Variants in GLIS3 observed in about 807,000 individuals in gnomAD.
GLIS3 encodes the protein zinc finger protein GLIS3.
GLIS3 carries 53 observed loss-of-function variants against 78.6 expected under a neutral mutation model. That is an observed-to-expected ratio of 0.67 (90% CI 0.54 to 0.85). The LOEUF (loss-of-function observed/expected upper bound fraction) is 0.85. GLIS3 is among the 40% of genes least tolerant of loss of function. The probability of loss-of-function intolerance (pLI) is 0.00; values close to 1 mark genes in which losing one functional copy is unlikely to be tolerated. For missense variants in GLIS3, 1,703 were observed against 1,231.1 expected (o/e 1.38, Z -5.74); for synonymous variants, 684 against 509.9 (o/e 1.34, Z -4.60).
chr9:4,447,937 A>C, the GLIS3 span, among the ~76,000 whole-genome samples: 1 of 152,158 alleles, frequency 6.6e-6, no homozygotes, highest in Non-Finnish European at 1.5e-5. Context: ...TTTTTTCTAA[A>C]AATGAGCTCT....
chr9:4,306,748 A>T (rs1463210782), intron 4 of GLIS3, among the ~76,000 whole-genome samples: 1 of 152,158 alleles, frequency 6.6e-6, no homozygotes, highest in East Asian at 1.9e-4. Flanking sequence ...GGAAAGTTTC[A>T]GTCATCCTTG....
chr9:4,425,196 C>T, the GLIS3 span, among the ~76,000 whole-genome samples: 1 of 152,184 alleles, frequency 6.6e-6, no homozygotes, highest in African/African-American at 2.4e-5. Flanking sequence ...ATCTGATTTA[C>T]ATGAGAGCGA....
At chr9:4,270,888 GGTGTGTGTGTGTGTGTGT>G (rs148679668) in intron 2 of GLIS3, among the ~76,000 whole-genome samples, 18,639 of 146,944 alleles carry the variant, frequency 0.13, 2,046 homozygotes, top group African/African-American at 0.3. Flanking sequence ...CAATCTGTGT[GGTGTGTGTGTGTGTGTGT>G]GTGTGTGTGT....
At chr9:4,329,399 T>G (rs919367208) in intron 2 of GLIS3, among the ~76,000 whole-genome samples, 3 of 152,098 alleles carry the variant, frequency 2.0e-5, no homozygotes, top group Non-Finnish European at 4.4e-5. Flanking sequence ...TATTGACAAC[T>G]GAAAAAAAAG....
the GLIS3 span, among the ~76,000 whole-genome samples, chr9:4,457,736 GCT>G: frequency 6.6e-6 from 1 of 151,784 alleles, no homozygotes; most frequent in Admixed American, 6.6e-5. Flanking sequence ...TGTAGTCCCA[GCT>G]ATTCGGGAGG....
At chr9:4,468,756 A>T in the GLIS3 span, among the ~76,000 whole-genome samples, 1 of 152,224 alleles carries the variant, frequency 6.6e-6, no homozygotes. Flanking sequence ...AGCTAACATC[A>T]TAATGACAGG....
At chr9:4,037,573 C>CACACACAG (rs1824437998) in intron 4 of GLIS3, among the ~76,000 whole-genome samples, 1 of 151,580 alleles carries the variant, frequency 6.6e-6, no homozygotes, top group African/African-American at 2.4e-5. Context: ...CACACACACA[C>CACACACAG]ACACACACAC....
intron 2 of GLIS3, among the ~76,000 whole-genome samples, chr9:4,312,384 C>G (rs1197069147): frequency 6.6e-6 from 1 of 152,170 alleles, no homozygotes; most frequent in Admixed American, 6.5e-5. Flanking sequence ...AGGAGAATCA[C>G]TTGAACCAGG....
intron 2 of GLIS3, among the ~76,000 whole-genome samples, chr9:4,340,484 G>T (rs542164606): frequency 7.2e-5 from 11 of 152,142 alleles, no homozygotes; most frequent in African/African-American, 2.7e-4. Context: ...TCATCTTTCA[G>T]GATGCATCCT....
chr9:4,401,369 C>G, the GLIS3 span, among the ~76,000 whole-genome samples: 1 of 151,810 alleles, frequency 6.6e-6, no homozygotes, highest in African/African-American at 2.4e-5. Flanking sequence ...AAGCGATTCT[C>G]CTGCCTCAGC....
the GLIS3 span, among the ~76,000 whole-genome samples, chr9:4,396,106 G>A: frequency 6.6e-6 from 1 of 150,978 alleles, no homozygotes; most frequent in African/African-American, 2.4e-5. Context: ...CATCAAGGGA[G>A]GCCATTTTTA....
intron 4 of GLIS3, among the ~76,000 whole-genome samples, chr9:3,965,127 C>T (rs1023420034): frequency 6.6e-6 from 1 of 151,204 alleles, no homozygotes; most frequent in African/African-American, 2.4e-5. Flanking sequence ...TAAATGCACA[C>T]AGGAGGCTGT....
intron 2 of GLIS3, among the ~76,000 whole-genome samples, chr9:4,192,546 C>T (rs971411099): frequency 2.0e-5 from 3 of 152,212 alleles, no homozygotes; most frequent in African/African-American, 7.2e-5. Context: ...AACTCACCAA[C>T]AGCTTGGTCA....
chr9:4,096,302 C>T (rs781261898), intron 4 of GLIS3, among the ~76,000 whole-genome samples: 16 of 152,082 alleles, frequency 1.1e-4, no homozygotes, highest in African/African-American at 3.6e-4. Flanking sequence ...TTTTTCCTAC[C>T]AGTTGTGTTA....
chr9:3,828,247 T>G lies in GLIS3; in HGVS notation c.*25A>C. ...TGGCAAGCAACATCAAGGTCCTGGG[T>G]GTGCAGGAGTGGCCAAGAGAGCTTT... On this transcript the variant is annotated 3_prime_UTR_variant, in exon 11 of 11. Coordinates refer to ENST00000381971, the MANE Select transcript of GLIS3 (RefSeq NM_001042413.2). 2 of 1,613,770 alleles carry G rather than the reference T, an allele frequency of 1.2e-6. No homozygotes were observed. The highest frequency in any genetic ancestry group is 1.7e-6 in the Non-Finnish European group (2 of 1,179,888).
intron 4 of GLIS3, among the ~76,000 whole-genome samples, chr9:4,098,678 G>A (rs534477907): frequency 7.9e-5 from 12 of 152,254 alleles, no homozygotes; most frequent in South Asian, 4.2e-4. Flanking sequence ...ATCCTTTGCC[G>A]TAATATCATA....
the GLIS3 span, among the ~76,000 whole-genome samples, chr9:4,454,551 T>C: frequency 6.6e-6 from 1 of 152,356 alleles, no homozygotes; most frequent in Non-Finnish European, 1.5e-5. Context: ...TATGATAGTA[T>C]GCGAGGGAGG....
At chr9:4,073,468 G>C (rs1227525559) in intron 4 of GLIS3, among the ~76,000 whole-genome samples, 1 of 152,166 alleles carries the variant, frequency 6.6e-6, no homozygotes, top group Non-Finnish European at 1.5e-5. Flanking sequence ...TCACTCATAA[G>C]TGGATCCTGC....
At chr9:4,172,298 A>G (rs980804478) in intron 2 of GLIS3, among the ~76,000 whole-genome samples, 8 of 152,136 alleles carry the variant, frequency 5.3e-5, no homozygotes, top group Admixed American at 3.9e-4. Flanking sequence ...CTCCTTACCT[A>G]CAACTCCATT....
Sources: gnomAD v4.1 joint callset for allele counts (sites outside exome capture counted in the v4.1 genomes callset) on GRCh38, gnomAD v4.1.1 for gene constraint, MANE v1.5 for transcripts, NCBI Gene and HGNC (gene_info 2026-07-23, HGNC 2026-07-21) for gene names.